Variants in RNF115 observed in about 807,000 individuals in gnomAD.
RNF115 encodes E3 ubiquitin-protein ligase RNF115.
A neutral mutation model predicts 39.2 loss-of-function variants in RNF115; 31 were observed. The ratio of observed to expected loss-of-function variants is 0.79; its 90% CI spans 0.59 to 1.07. RNF115 has a LOEUF of 1.07. RNF115 is among the 50% of genes least tolerant of loss of function. RNF115 has a pLI of 0.00. For missense variants in RNF115, 384 were observed against 381.7 expected (o/e 1.01, Z -0.05); for synonymous variants, 124 against 131.0 (o/e 0.95, Z 0.37).
chr1:145,752,982 A>T lies in RNF115; in HGVS notation c.496T>A (p.Ser166Thr). 1 of 1,588,966 alleles carries T rather than the reference A, an allele frequency of 6.3e-7. No individual in the cohort carries two copies. The highest frequency in any genetic ancestry group is 8.6e-7 in the Non-Finnish European group (1 of 1,158,018). The change falls in exon 5 of 9, where the codon TCC becomes ACC. Residue 166 changes from serine to threonine, a missense_variant. Ser to Thr is a moderately conservative substitution (Grantham distance 58). Transcript: ENST00000582693. ...SAIPGSPHPF[S>T]WSGMLHSNPG... is the part of the protein sequence containing the mutation. Reference sequence around the variant, plus strand: ...AGAAAACAATTAGTTACTTACCAGGAAAAAGGGTGTGGAGATCCAGGAATG... The same window carrying T: ...AGAAAACAATTAGTTACTTACCAGGTAAAAGGGTGTGGAGATCCAGGAATG...
rs375117415 is a variant in RNF115, at chr1:145,748,396, G to C, written c.668-286C>G. Among the ~76,000 whole-genome samples, 9 of 152,274 alleles carry C rather than the reference G, an allele frequency of 5.9e-5. No homozygotes were observed. In the East Asian group the frequency reaches 1.5e-3, roughly 26 times the overall value. On this transcript the variant is annotated intron_variant, in intron 7 of 8. Coordinates refer to ENST00000582693, the MANE Select transcript of RNF115 (RefSeq NM_014455.4). The stretch of plus-strand genomic sequence containing the variant: ...GCCTATTTTTTGATGTAAAGAGTTG[G>C]AAGAAATAAACTGGGGCTTAGATGA...
rs1241991246 is a variant in RNF115, at chr1:145,741,484, C to T, written c.*5382G>A. ...GTATTCTATGCATTCTATTTTAAAC[C>T]CCTGGAGCAGCTCAGTGGCTCGCTG... On this transcript the variant is annotated 3_prime_UTR_variant, in exon 9 of 9. Transcript: ENST00000582693. 1 of 152,106 alleles carries T rather than the reference C, an allele frequency of 6.6e-6. No homozygotes were observed. The highest frequency in any genetic ancestry group is 6.6e-5 in the Admixed American group (1 of 15,254). 9.4% of individuals were successfully genotyped at this position (152,106 alleles called of 1,614,324 possible).
intron 4 of RNF115, among the ~76,000 whole-genome samples, chr1:145,767,176 C>G (rs1304257216): frequency 1.3e-5 from 2 of 149,694 alleles, no homozygotes; most frequent in South Asian, 4.3e-4. Flanking sequence ...ACCTCCCGGA[C>G]GGGGTGGCTG....
At chr1:145,747,693 A>T (rs1291817614) in intron 8 of RNF115, among the ~76,000 whole-genome samples, 4 of 152,200 alleles carry the variant, frequency 2.6e-5, no homozygotes, top group Admixed American at 2.6e-4. Flanking sequence ...TTTGCAGGCC[A>T]CACCACAGCT....
In RNF115 at chr1:145,739,161, GTCTTT is replaced by G. The variant is rs1241548369; in HGVS notation, c.*7700_*7704del. ...ATAAATGCCCATAGCAGTATTTGGA[GTCTTT>G]TCTTTTCTCCTAAATCCACAAACTC... On this transcript the variant is annotated 3_prime_UTR_variant, in exon 9 of 9. Coordinates refer to ENST00000582693, the MANE Select transcript of RNF115 (RefSeq NM_014455.4). 1.3e-5 allele frequency: 2 copies of G among 152,374 alleles called. No individual in the cohort carries two copies. Among genetic ancestry groups the G allele is most frequent in the Non-Finnish European group, 2.9e-5 (2 of 68,056 alleles). The allele number at this position is 152,374 out of a possible 1,614,324, so 9.4% of individuals were successfully genotyped here.
chr1:145,798,708 G>A (rs1649092016), intron 1 of RNF115, among the ~76,000 whole-genome samples: 1 of 152,166 alleles, frequency 6.6e-6, no homozygotes, highest in Non-Finnish European at 1.5e-5. Context: ...AAATGCTGTT[G>A]GGATTTTGAT....
At chr1:145,752,382 C>G (rs1658118554) in intron 5 of RNF115, among the ~76,000 whole-genome samples, 1 of 152,062 alleles carries the variant, frequency 6.6e-6, no homozygotes. Context: ...CAGGGACCAT[C>G]TCATTCTCTA....
intron 3 of RNF115, 137 bp downstream of exon 3, chr1:145,784,401 AG>A: frequency 1.3e-6 from 1 of 745,940 alleles, no homozygotes; most frequent in Non-Finnish European, 2.3e-6. Flanking sequence ...AATCTTCCCA[AG>A]GGTTACTACG....
At chr1:145,799,741 C>T (rs114656554) in intron 1 of RNF115, among the ~76,000 whole-genome samples, 2,089 of 152,274 alleles carry the variant, frequency 0.014, 52 homozygotes, top group African/African-American at 0.048. Flanking sequence ...TATAGGCGTA[C>T]ATCACCATGC....
chr1:145,766,358 G>A (rs1647274776), intron 4 of RNF115, among the ~76,000 whole-genome samples: 1 of 152,194 alleles, frequency 6.6e-6, no homozygotes, highest in Non-Finnish European at 1.5e-5. Flanking sequence ...ATTTTTCTTA[G>A]TACAGAACAA....
intron 4 of RNF115, among the ~76,000 whole-genome samples, chr1:145,758,774 A>G (rs1206052685): frequency 6.6e-6 from 1 of 152,208 alleles, no homozygotes; most frequent in Non-Finnish European, 1.5e-5. Flanking sequence ...ACTCTCTGGA[A>G]GTCAGATGTT....
At chr1:145,760,598 T>C (rs1180662526) in intron 4 of RNF115, among the ~76,000 whole-genome samples, 1 of 152,180 alleles carries the variant, frequency 6.6e-6, no homozygotes, top group Non-Finnish European at 1.5e-5. Flanking sequence ...GCCGCCGCCA[T>C]GTAAGAAGTG....
chr1:145,769,672 T>TCC (rs1553715459), intron 4 of RNF115, among the ~76,000 whole-genome samples: 1 of 151,474 alleles, frequency 6.6e-6, no homozygotes, highest in Non-Finnish European at 1.5e-5. Context: ...CAGCAAGTTT[T>TCC]CCCAGTTCCT....
At chr1:145,771,632 A>G in intron 4 of RNF115, 79 bp downstream of exon 4, 1 of 1,131,398 alleles carries the variant, frequency 8.8e-7, no homozygotes, top group Non-Finnish European at 1.3e-6. Context: ...TAAGTATGAG[A>G]CCCTTATAAA....
At chr1:145,790,952 G>T (rs1433020281) in intron 1 of RNF115, among the ~76,000 whole-genome samples, 3 of 151,748 alleles carry the variant, frequency 2.0e-5, no homozygotes, top group Non-Finnish European at 4.4e-5. Flanking sequence ...GACCACCCTT[G>T]CCAACATGGT....
chr1:145,761,235 T>A (rs1658490166), intron 4 of RNF115, among the ~76,000 whole-genome samples: 1 of 152,198 alleles, frequency 6.6e-6, no homozygotes. Context: ...GAGGGGAAAT[T>A]CAAGCCAGCT....
intron 1 of RNF115, among the ~76,000 whole-genome samples, chr1:145,822,401 G>T (rs1201073015): frequency 3.3e-5 from 5 of 150,016 alleles, no homozygotes; most frequent in African/African-American, 1.2e-4. Context: ...AAGTAGAGAG[G>T]AAAGAATGTA....
intron 1 of RNF115, among the ~76,000 whole-genome samples, chr1:145,802,330 G>A (rs1457310700): frequency 2.6e-5 from 4 of 152,126 alleles, no homozygotes; most frequent in African/African-American, 9.7e-5. Flanking sequence ...AACAGCCCAA[G>A]AGGACACAAA....
intron 3 of RNF115, among the ~76,000 whole-genome samples, chr1:145,781,998 G>GT (rs1648171885): frequency 6.6e-6 from 1 of 151,374 alleles, no homozygotes; most frequent in Non-Finnish European, 1.5e-5. Flanking sequence ...CGCCTTCTGG[G>GT]TTCAAGCAAT....
Sources: allele counts gnomAD v4.1 joint callset (sites outside exome capture counted in the v4.1 genomes callset), GRCh38; gene constraint gnomAD v4.1.1; transcripts MANE v1.5; gene names NCBI Gene and HGNC (gene_info 2026-07-23, HGNC 2026-07-21).